Variants in PSMC3IP observed in about 807,000 individuals in gnomAD.
PSMC3IP encodes the protein PSMC3 interacting protein.
Under a neutral mutation model 34.9 loss-of-function variants are expected in PSMC3IP, and 26 were observed. That is an observed-to-expected ratio of 0.74 (90% CI 0.55 to 1.03). The LOEUF (loss-of-function observed/expected upper bound fraction) is 1.03, where lower values mean the gene tolerates loss of function less well. PSMC3IP is among the 50% of genes least tolerant of loss of function. The probability of loss-of-function intolerance (pLI) is 0.00; values close to 1 mark genes in which losing one functional copy is unlikely to be tolerated. For synonymous variants in PSMC3IP, 87 were observed against 96.5 expected, an observed-to-expected ratio of 0.90 and a Z score of 0.57; for missense variants, 250 against 263.1, an observed-to-expected ratio of 0.95 and a Z score of 0.34.
chr17:42,574,023 C>CCATT, intron 4 of PSMC3IP, 76 bp downstream of exon 4: 1 of 1,587,216 alleles, frequency 6.3e-7, no homozygotes, highest in African/African-American at 1.3e-5. Context: ...AGTCATTGAA[C>CCATT]CATTCATTTA....
intron 3 of PSMC3IP, among the ~76,000 whole-genome samples, chr17:42,575,827 T>A (rs1288399142): frequency 2.2e-5 from 3 of 135,310 alleles, no homozygotes; most frequent in Non-Finnish European, 4.6e-5. Context: ...GCTAACACGA[T>A]GAAACCCCAT....
Position 42,572,917 on chromosome 17 carries a change from TCTCA to T in PSMC3IP, c.*47_*50del. Reference sequence around the variant, plus strand: ...AAAACAAGGTAGCCAGTGCAAGACATCTCACTCTTCTGACATCCTGCAGTCCCCA... The same window carrying T: ...AAAACAAGGTAGCCAGTGCAAGACATCTCTTCTGACATCCTGCAGTCCCCA... On this transcript the variant is annotated 3_prime_UTR_variant, in exon 8 of 8. Transcript: ENST00000393795. The T allele has an allele frequency of 6.3e-7, 1 of 1,598,366 alleles. No individual in the cohort carries two copies. The highest frequency in any genetic ancestry group is 8.6e-7 in the Non-Finnish European group (1 of 1,166,780).
Position 42,572,795 on chromosome 17 carries a change from G to C in PSMC3IP, c.*173C>G, listed in dbSNP as rs1320227848. 1.3e-6 allele frequency: 1 copy of C among 774,542 alleles called. No homozygotes were observed. Among genetic ancestry groups the C allele is most frequent in the Admixed American group, 2.0e-5 (1 of 50,100 alleles). The allele number at this position is 774,542 out of a possible 1,614,324, so 48.0% of individuals were successfully genotyped here. A position where few individuals can be genotyped will look rare whatever the true frequency, so the allele number is the denominator to read the frequency against. On this transcript the variant is annotated 3_prime_UTR_variant, in exon 8 of 8. Coordinates refer to ENST00000393795, the MANE Select transcript of PSMC3IP (RefSeq NM_016556.4). ...GGGCTGGGTCTACCCCCAGCCACCA[G>C]CCCTCATCCTCTCTACCCAGTGCTC...
chr17:42,572,585 A>T lies in PSMC3IP; in HGVS notation c.*383T>A. On this transcript the variant is annotated 3_prime_UTR_variant, in exon 8 of 8. Transcript: ENST00000393795. ...GCTCGTTTTATAGCAACCTCTCTCT[A>T]CCCTAGTTCTCCAAATTCACTTCTG... 1 of 452,702 alleles carries T rather than the reference A, an allele frequency of 2.2e-6. No individual in the cohort carries two copies. Among genetic ancestry groups the T allele is most frequent in the Non-Finnish European group, 4.4e-6 (1 of 226,046 alleles). 28.0% of individuals were successfully genotyped at this position (452,702 alleles called of 1,614,324 possible). A position where few individuals can be genotyped will look rare whatever the true frequency, so the allele number is the denominator to read the frequency against.
In PSMC3IP at chr17:42,573,571, G is replaced by A; in HGVS notation, c.390C>T (p.Ile130=). 1.2e-6 allele frequency: 2 copies of A among 1,614,012 alleles called. No individual in the cohort carries two copies. Among genetic ancestry groups the A allele is most frequent in the Non-Finnish European group, 1.7e-6 (2 of 1,179,980 alleles). Residue 130 remains isoleucine (I), a synonymous_variant, in exon 5 of 8, where the codon ATC becomes ATT. Coordinates refer to ENST00000393795, the MANE Select transcript of PSMC3IP (RefSeq NM_016556.4). The part of the protein sequence containing the change: ...ALTTPEMQKE[I]QELKKECAGY... ...CAGCGCATTCCTTCTTTAACTCCTGGATTTCTTTCTGCATCTCTGGTGTGG... is the reference window on the plus strand; with the variant it reads ...CAGCGCATTCCTTCTTTAACTCCTGAATTTCTTTCTGCATCTCTGGTGTGG...
At chr17:42,573,731 C>T in intron 4 of PSMC3IP, 108 bp from the exon 5 acceptor site, 3 of 1,536,194 alleles carry the variant, frequency 2.0e-6, no homozygotes, top group South Asian at 1.2e-5. Flanking sequence ...TCTATCATCT[C>T]ACATGGAAAC....
chr17:42,575,082 G>T (rs1185782328), intron 3 of PSMC3IP, among the ~76,000 whole-genome samples: 1 of 152,170 alleles, frequency 6.6e-6, no homozygotes, highest in Non-Finnish European at 1.5e-5. Flanking sequence ...AGGGATTCCA[G>T]TAAGTCTGAG....
chr17:42,577,183 T>C (rs1441472151), intron 3 of PSMC3IP, 30 bp downstream of exon 3: 3 of 1,613,770 alleles, frequency 1.9e-6, no homozygotes, highest in Non-Finnish European at 2.5e-6. Flanking sequence ...CGGGCTCTCA[T>C]GGGTGACAAT....
In PSMC3IP at chr17:42,572,444, C is replaced by T. The variant is rs760892543; in HGVS notation, c.*524G>A. 1 of 454,618 alleles carries T rather than the reference C, an allele frequency of 2.2e-6. No homozygotes were observed. Among genetic ancestry groups the T allele is most frequent in the Non-Finnish European group, 4.4e-6 (1 of 226,786 alleles). 28.2% of individuals were successfully genotyped at this position (454,618 alleles called of 1,614,324 possible). On this transcript the variant is annotated 3_prime_UTR_variant, in exon 8 of 8. Coordinates refer to ENST00000393795, the MANE Select transcript of PSMC3IP (RefSeq NM_016556.4). ...TGGCCTCTCCCATGTCTCAGTGTTG[C>T]CTGCATTTCTCCCAGGACTTGGGGG...
At chr17:42,574,872 G>T (rs1019820989) in intron 3 of PSMC3IP, among the ~76,000 whole-genome samples, 1 of 152,110 alleles carries the variant, frequency 6.6e-6, no homozygotes, top group Non-Finnish European at 1.5e-5. Context: ...TCATGCCTCA[G>T]CCTCCTAAGT....
At chr17:42,573,717 T>C (rs1311003644) in intron 4 of PSMC3IP, 94 bp from the exon 5 acceptor site, 1 of 1,552,870 alleles carries the variant, frequency 6.4e-7, no homozygotes, top group Non-Finnish European at 8.8e-7. Flanking sequence ...CACCTTGCTC[T>C]GGATCTATCA....
intron 3 of PSMC3IP, among the ~76,000 whole-genome samples, chr17:42,574,776 C>G (rs141988583): frequency 2.5e-3 from 340 of 136,086 alleles, no homozygotes; most frequent in Non-Finnish European, 3.9e-3. Context: ...CTCTTTTCCT[C>G]TCTTTCTTTC....
chr17:42,574,741 T>C (rs62078361), intron 3 of PSMC3IP, among the ~76,000 whole-genome samples: 7 of 22,004 alleles, frequency 3.2e-4, no homozygotes, highest in African/African-American at 3.9e-4. Flanking sequence ...CCCTCTCTCT[T>C]TCTCTCTCTT....
At chr17:42,573,976 G>GC in intron 4 of PSMC3IP, 123 bp downstream of exon 4, 1 of 1,545,440 alleles carries the variant, frequency 6.5e-7, no homozygotes, top group African/African-American at 1.4e-5. Flanking sequence ...GCCTAAGGGA[G>GC]CCCAGCAAAG....
At chr17:42,577,098 G>C (rs1160726992) in intron 3 of PSMC3IP, 115 bp downstream of exon 3, 2 of 1,561,836 alleles carry the variant, frequency 1.3e-6, no homozygotes, top group Admixed American at 1.9e-5. Flanking sequence ...AAGGATGGTG[G>C]CCTAAGACAG....
In PSMC3IP at chr17:42,574,084, G is replaced by C. The variant is rs2093056614; in HGVS notation, c.337+15C>G. The C allele has an allele frequency of 6.2e-7, 1 of 1,613,898 alleles. No individual in the cohort carries two copies. Among genetic ancestry groups the C allele is most frequent in the African/African-American group, 1.3e-5 (1 of 75,048 alleles). On this transcript the variant is annotated intron_variant, in intron 4 of 7. Coordinates refer to ENST00000393795, the MANE Select transcript of PSMC3IP (RefSeq NM_016556.4). Reference sequence around the variant, plus strand: ...CTAAGCCTATGGGCACTTTGGAGGGGCTACCCAGTCCTACCAGCCTCCATG... The same window carrying C: ...CTAAGCCTATGGGCACTTTGGAGGGCCTACCCAGTCCTACCAGCCTCCATG...
chr17:42,573,140 A>C lies in PSMC3IP; in HGVS notation c.564T>G (p.Leu188=), dbSNP rs138687177. 117 of 1,614,128 alleles carry C rather than the reference A, an allele frequency of 7.2e-5. No individual in the cohort carries two copies. The highest frequency in any genetic ancestry group is 9.8e-5 in the Non-Finnish European group (116 of 1,180,044). The change falls in exon 7 of 8, where the codon CTT becomes CTG. Residue 188 remains leucine, a synonymous_variant. Coordinates refer to ENST00000393795, the MANE Select transcript of PSMC3IP (RefSeq NM_016556.4). The part of the protein sequence containing the change: ...RMATELSDAI[L]EGYPKSKKQF... ...GCTTCTTGCTCTTGGGGTATCCTTCAAGTATTGCATCAGACAGCTCTGTAG... is the reference window on the plus strand; with the variant it reads ...GCTTCTTGCTCTTGGGGTATCCTTCCAGTATTGCATCAGACAGCTCTGTAG...
rs2143335913 is a variant in PSMC3IP at position 42,577,670 on chromosome 17, G to A, written c.17C>T (p.Ala6Val). The A allele has an allele frequency of 2.5e-6, 4 of 1,614,152 alleles. No individual in the cohort carries two copies. Among genetic ancestry groups the A allele is most frequent in the Non-Finnish European group, 3.4e-6 (4 of 1,180,008 alleles). The change falls in exon 1 of 8, where the codon GCA becomes GTA. Residue 6 changes from alanine (A) to valine (V), a missense_variant. Physicochemically the swap from Ala to Val is moderately conservative, Grantham distance 64. Transcript: ENST00000393795. MSKGR[A>V]EAAAGAAGIL... is the part of the protein sequence containing the mutation. ...GCCGTTACCTCCCGCCGCAGCTTCT[G>A]CCCGGCCTTTACTCATCGCCTTTCC...
chr17:42,572,977 TG>T lies in PSMC3IP; in HGVS notation c.644del (p.Pro215GlnfsTer20). 6.2e-7 allele frequency: 1 copy of T among 1,614,200 alleles called. No homozygotes were observed. Among genetic ancestry groups the T allele is most frequent in the Non-Finnish European group, 8.5e-7 (1 of 1,180,034 alleles). ...ETDEDYNVTL[P>X]DP ...CCTGACCGTGGGCCCCTCAGGGGTCTGGGAGTGTGACGTTGTAATCTTCATC... is the reference window on the plus strand; with the variant it reads ...CCTGACCGTGGGCCCCTCAGGGGTCTGGAGTGTGACGTTGTAATCTTCATC... On this transcript the variant is annotated frameshift_variant, in exon 8 of 8. Transcript: ENST00000393795. LOFTEE classifies it high-confidence loss of function.
Sources: allele counts gnomAD v4.1 joint callset (sites outside exome capture counted in the v4.1 genomes callset), GRCh38; gene constraint gnomAD v4.1.1; transcripts MANE v1.5; gene names NCBI Gene and HGNC (gene_info 2026-07-23, HGNC 2026-07-21).